STXBP6: variants seen among roughly 807,000 people sequenced by gnomAD.
STXBP6 encodes syntaxin-binding protein 6.
In STXBP6, 21 loss-of-function variants were observed where a neutral mutation model predicts 26.9. The observed-to-expected ratio is 0.78, with a 90% CI of 0.55 to 1.12. STXBP6 has a LOEUF of 1.12. Ranked by LOEUF, STXBP6 falls within the 50% of genes most tolerant of loss-of-function variation. The pLI is 0.00. For missense variants in STXBP6, 232 were observed against 257.9 expected (o/e 0.90, Z 0.69); for synonymous variants, 97 against 92.6 (o/e 1.05, Z -0.27).
chr14:24,928,400 C>T (rs2877692), intron 2 of STXBP6, among the ~76,000 whole-genome samples: 36,475 of 150,770 alleles, frequency 0.24, 4,574 homozygotes, highest in African/African-American at 0.33. Context: ...TTGTTTTTTT[C>T]CTCCAAGTTT....
intron 2 of STXBP6, among the ~76,000 whole-genome samples, chr14:24,904,670 A>G (rs1356843520): frequency 6.6e-6 from 1 of 152,148 alleles, no homozygotes; most frequent in African/African-American, 2.4e-5. Context: ...GGAGTGCATG[A>G]CCACAGAGGA....
At chr14:24,993,237 C>T (rs1006020943) in intron 1 of STXBP6, among the ~76,000 whole-genome samples, 1 of 152,168 alleles carries the variant, frequency 6.6e-6, no homozygotes, top group Non-Finnish European at 1.5e-5. Context: ...AGGTCCAAAA[C>T]TGAATGAATC....
chr14:25,010,054 C>T (rs1447969740), intron 1 of STXBP6, among the ~76,000 whole-genome samples: 2 of 152,132 alleles, frequency 1.3e-5, no homozygotes, highest in African/African-American at 2.4e-5. Context: ...CTTGGAGATT[C>T]GGACACACCC....
intron 1 of STXBP6, among the ~76,000 whole-genome samples, chr14:25,028,695 C>T (rs921147731): frequency 2.6e-5 from 4 of 152,218 alleles, no homozygotes; most frequent in East Asian, 3.9e-4. Context: ...TTTCATTAGG[C>T]TATAGCTGCC....
chr14:25,044,170 C>CAAAAAA lies in STXBP6; in HGVS notation c.-33+5702_-33+5707dup, dbSNP rs768658907. On this transcript the variant is annotated intron_variant, in intron 1 of 5. Transcript: ENST00000323944. Reference sequence around the variant, plus strand: ...TGGGAGACAGAATGAGACTCTGCCTCAAAAAAAAAAAAAAAAAAAAAAAAG... The same window carrying CAAAAAA: ...TGGGAGACAGAATGAGACTCTGCCTCAAAAAAAAAAAAAAAAAAAAAAAAAAAAAAG... 5.4e-3 allele frequency among the ~76,000 whole-genome samples: 288 copies of CAAAAAA among 53,214 alleles called. 3 individuals carry two copies. Among genetic ancestry groups the CAAAAAA allele is most frequent in the East Asian group, 0.011 (16 of 1,516 alleles). The allele number at this position is 53,214 out of a possible 152,430, so 34.9% of individuals were successfully genotyped here.
At chr14:25,015,280 C>T (rs17257752) in intron 1 of STXBP6, among the ~76,000 whole-genome samples, 3,051 of 152,102 alleles carry the variant, frequency 0.02, 104 homozygotes, top group East Asian at 0.15. Context: ...CTTCTAAAAC[C>T]TCAGTTTCAG....
At chr14:24,864,622 G>T (rs1478505184) in intron 2 of STXBP6, among the ~76,000 whole-genome samples, 1 of 151,308 alleles carries the variant, frequency 6.6e-6, no homozygotes, top group African/African-American at 2.4e-5. Context: ...CCATTCCAAA[G>T]GGAAAAAAAA....
At chr14:24,839,705 T>G (rs1401178395) in intron 4 of STXBP6, among the ~76,000 whole-genome samples, 3 of 152,226 alleles carry the variant, frequency 2.0e-5, no homozygotes, top group Non-Finnish European at 4.4e-5. Context: ...AAGTGCTCTG[T>G]GACAACTCAT....
At chr14:24,914,596 T>C (rs2071691465) in intron 2 of STXBP6, among the ~76,000 whole-genome samples, 1 of 152,318 alleles carries the variant, frequency 6.6e-6, no homozygotes, top group South Asian at 2.1e-4. Flanking sequence ...GCAACTATCC[T>C]GAATGCCAGG....
rs2074799735 is a variant in STXBP6, at chr14:25,002,932, G to GA, written c.-32-28083_-32-28082insT. On this transcript the variant is annotated intron_variant, in intron 1 of 5. Transcript: ENST00000323944. ...AGTGGAGACGGGGTTTCACCATGTT[G>GA]GCCAGGTTGGTCTCAAACTCCTGAC... 7.9e-5 allele frequency among the ~76,000 whole-genome samples: 12 copies of GA among 151,008 alleles called. No homozygotes were observed. The South Asian group carries it at 2.5e-3, about 32-fold the overall frequency.
intron 2 of STXBP6, among the ~76,000 whole-genome samples, chr14:24,860,254 T>C (rs2069488118): frequency 6.6e-6 from 1 of 152,194 alleles, no homozygotes; most frequent in Non-Finnish European, 1.5e-5. Flanking sequence ...CAGAGAATTC[T>C]ATTTAATTAA....
chr14:24,861,476 G>A (rs2069535330), intron 2 of STXBP6, among the ~76,000 whole-genome samples: 1 of 152,138 alleles, frequency 6.6e-6, no homozygotes, highest in African/African-American at 2.4e-5. Context: ...CGTGGCCAAG[G>A]TGAGAAATAA....
At chr14:24,933,260 T>C (rs907031427) in intron 2 of STXBP6, among the ~76,000 whole-genome samples, 59 of 152,156 alleles carry the variant, frequency 3.9e-4, no homozygotes, top group African/African-American at 1.4e-3. Context: ...GAGGATCCCC[T>C]GAGCAAGGGA....
At chr14:24,931,692 C>G (rs1419955313) in intron 2 of STXBP6, among the ~76,000 whole-genome samples, 1 of 151,914 alleles carries the variant, frequency 6.6e-6, no homozygotes, top group African/African-American at 2.4e-5. Flanking sequence ...AGGGTAAGTC[C>G]AAATGGTGAT....
intron 4 of STXBP6, among the ~76,000 whole-genome samples, chr14:24,850,069 T>C (rs1431360458): frequency 2.0e-5 from 3 of 152,128 alleles, no homozygotes; most frequent in African/African-American, 4.8e-5. Flanking sequence ...TAAAGTACTA[T>C]ATTAATATAT....
rs1351040685 is a variant in STXBP6 at position 24,864,770 on chromosome 14, C to T, written c.155-7613G>A. ...AGCATAAGCTGTCAAATATAATTACCGCTATCAGTCAAGCAAAGGCAGAAT... is the reference window on the plus strand; with the variant it reads ...AGCATAAGCTGTCAAATATAATTACTGCTATCAGTCAAGCAAAGGCAGAAT... On this transcript the variant is annotated intron_variant, in intron 2 of 5. Transcript: ENST00000323944. Among the ~76,000 whole-genome samples the T allele has an allele frequency of 3.3e-5, 5 of 152,216 alleles. No individual in the cohort carries two copies. The East Asian group carries it at 7.7e-4, about 23-fold the overall frequency.
rs555254971 is a variant in STXBP6, at chr14:24,970,585, T to C, written c.154+4080A>G. On this transcript the variant is annotated intron_variant, in intron 2 of 5. Transcript: ENST00000323944. The stretch of plus-strand genomic sequence containing the variant: ...CATTTCTTTTTACTGCAAGGTAGTA[T>C]TCCACTGCAAAAATGTAAAATAATT... Among the ~76,000 whole-genome samples the C allele has an allele frequency of 2.6e-5, 4 of 152,350 alleles. No individual in the cohort carries two copies. The South Asian group carries it at 8.3e-4, about 32-fold the overall frequency.
chr14:24,846,002 G>A (rs556711741), intron 4 of STXBP6, among the ~76,000 whole-genome samples: 1 of 152,322 alleles, frequency 6.6e-6, no homozygotes, highest in East Asian at 1.9e-4. Context: ...GGTTTCTGGA[G>A]TCCAGAACTG....
intron 1 of STXBP6, among the ~76,000 whole-genome samples, chr14:25,024,943 T>C (rs1210722841): frequency 6.6e-6 from 1 of 152,202 alleles, no homozygotes; most frequent in Non-Finnish European, 1.5e-5. Context: ...TGTTGTTGTT[T>C]CTATGTTTCA....
Sources: allele counts gnomAD v4.1 joint callset (sites outside exome capture counted in the v4.1 genomes callset), GRCh38; gene constraint gnomAD v4.1.1; transcripts MANE v1.5; gene names NCBI Gene and HGNC (gene_info 2026-07-23, HGNC 2026-07-21).